Variants in THSD7A observed in about 807,000 individuals in gnomAD.
THSD7A encodes the protein thrombospondin type-1 domain-containing protein 7A.
THSD7A carries 96 observed loss-of-function variants against 231.3 expected under a neutral mutation model. That is an observed-to-expected ratio of 0.41 (90% CI 0.35 to 0.49). The LOEUF (loss-of-function observed/expected upper bound fraction) is 0.49. Among genes scored for constraint, THSD7A ranks in the 20% least tolerant of loss-of-function variants. The probability of loss-of-function intolerance (pLI) is 0.05; values close to 1 mark genes in which losing one functional copy is unlikely to be tolerated. For synonymous variants in THSD7A, 940 were observed against 743.3 expected, an observed-to-expected ratio of 1.26 and a Z score of -4.30; for missense variants, 2,290 against 2,070.2, an observed-to-expected ratio of 1.11 and a Z score of -2.06.
Position 11,637,041 on chromosome 7 carries a change from C to G in THSD7A, c.191-80G>C. ...TACTGCACATTCCAGAAAGACCTTT[C>G]AAGACCTAGTACATTAACTTCCCTG... On this transcript the variant is annotated intron_variant, in intron 1 of 27. Transcript: ENST00000423059. This position sits in a 1 kb window ranked among gnomAD's most constrained non-coding sequence, Gnocchi z 4.2. The G allele has an allele frequency of 7.6e-7, 1 of 1,319,116 alleles. No homozygotes were observed. The allele number at this position is 1,319,116 out of a possible 1,614,324, so 81.7% of individuals were successfully genotyped here.
intron 1 of THSD7A, among the ~76,000 whole-genome samples, chr7:11,706,293 G>A (rs909414716): frequency 6.6e-6 from 1 of 150,770 alleles, no homozygotes; most frequent in Non-Finnish European, 1.5e-5. Context: ...GTCTGTGAGT[G>A]CACACTACAC....
rs149403606 is a variant in THSD7A, at chr7:11,514,854, T to C, written c.1822+26565A>G. On this transcript the variant is annotated intron_variant, in intron 6 of 27. Coordinates refer to ENST00000423059, the MANE Select transcript of THSD7A (RefSeq NM_015204.3). ...GGAAGAACATAGAAACATTTTACTATGACTGCACGAAAGCTCCAAAACTAA... is the reference window on the plus strand; with the variant it reads ...GGAAGAACATAGAAACATTTTACTACGACTGCACGAAAGCTCCAAAACTAA... Among the ~76,000 whole-genome samples the C allele has an allele frequency of 6.1e-3, 923 of 152,298 alleles. 34 individuals carry two copies. The highest frequency in any genetic ancestry group is 0.051 in the Admixed American group (773 of 15,294).
At chr7:11,773,928 T>A (rs1283228373) in intron 1 of THSD7A, among the ~76,000 whole-genome samples, 1 of 152,102 alleles carries the variant, frequency 6.6e-6, no homozygotes, top group Admixed American at 6.6e-5. Flanking sequence ...TTTACAGAAA[T>A]ACACACACAG....
intron 2 of THSD7A, among the ~76,000 whole-genome samples, chr7:11,631,148 A>C (rs1238079720): frequency 6.6e-6 from 1 of 152,184 alleles, no homozygotes; most frequent in African/African-American, 2.4e-5. Context: ...CAATAAGAAG[A>C]GCCTTGGATA....
chr7:11,566,161 C>T (rs1459326861), intron 4 of THSD7A, among the ~76,000 whole-genome samples: 1 of 152,186 alleles, frequency 6.6e-6, no homozygotes, highest in Non-Finnish European at 1.5e-5. Flanking sequence ...AGAAAAATAT[C>T]ATTATGCAGC....
intron 11 of THSD7A, among the ~76,000 whole-genome samples, chr7:11,453,557 A>C (rs1023901122): frequency 3.9e-5 from 6 of 152,000 alleles, no homozygotes; most frequent in Non-Finnish European, 7.4e-5. Flanking sequence ...GTTCCTTGGC[A>C]GGCAAGAAAA....
intron 2 of THSD7A, among the ~76,000 whole-genome samples, chr7:11,600,572 G>A (rs180840121): frequency 1.0e-3 from 153 of 152,238 alleles, no homozygotes; most frequent in Middle Eastern, 6.8e-3. Flanking sequence ...AAGAGTTTTC[G>A]TGAAATTGGA....
At chr7:11,714,266 T>C (rs1584250593) in intron 1 of THSD7A, among the ~76,000 whole-genome samples, 1 of 151,260 alleles carries the variant, frequency 6.6e-6, no homozygotes, top group Admixed American at 6.6e-5. Flanking sequence ...TAGTGAATTA[T>C]ATGTATTTTA....
chr7:11,696,783 G>A (rs1562484026), intron 1 of THSD7A, among the ~76,000 whole-genome samples: 1 of 151,390 alleles, frequency 6.6e-6, no homozygotes, highest in Non-Finnish European at 1.5e-5. Context: ...TTACAGGGCA[G>A]GGTTTTCAAA....
rs1208824549 is a variant in THSD7A, at chr7:11,715,484, TTAGAAA to T, written c.191-78529_191-78524del. Among the ~76,000 whole-genome samples, 11 of 151,652 alleles carry T rather than the reference TTAGAAA, an allele frequency of 7.3e-5. 1 individual carries two copies. Among genetic ancestry groups the T allele is most frequent in the Admixed American group, 5.9e-4 (9 of 15,176 alleles). ...AACTGCTAACAAGTGTTTAAACTAG[TTAGAAA>T]TAGATATATATGAAACATAACTCAT... On this transcript the variant is annotated intron_variant, in intron 1 of 27. Transcript: ENST00000423059.
chr7:11,426,931 G>C (rs1332923271), intron 14 of THSD7A, among the ~76,000 whole-genome samples: 1 of 152,118 alleles, frequency 6.6e-6, no homozygotes, highest in Non-Finnish European at 1.5e-5. Context: ...TGGGCAGGAT[G>C]GAGAAATCTT....
At chr7:11,713,574 C>T (rs1413812234) in intron 1 of THSD7A, among the ~76,000 whole-genome samples, 1 of 151,120 alleles carries the variant, frequency 6.6e-6, no homozygotes, top group African/African-American at 2.4e-5. Flanking sequence ...AAAGTCCGAA[C>T]TTTATTGCGT....
rs767794070 is a variant in THSD7A at position 11,636,320 on chromosome 7, C to T, written c.832G>A (p.Gly278Arg). ...TCCTTTTCCCGTTCTTTATTCTTCC[C>T]GCGTCTCCTTGCTTGTCTTACTTGT... ...SRQVRQARRR[G>R]KNKEREKDRS... Residue 278 changes from glycine to arginine, a missense_variant, in exon 2 of 28, where the codon GGG (glycine) becomes AGG (arginine). By Grantham distance (125) the Gly-to-Arg change is moderately radical. Coordinates refer to ENST00000423059, the MANE Select transcript of THSD7A (RefSeq NM_015204.3). This position sits in a 1 kb window ranked among gnomAD's most constrained non-coding sequence, Gnocchi z 10.0. 4 of 1,613,856 alleles carry T rather than the reference C, an allele frequency of 2.5e-6. No individual in the cohort carries two copies. The highest frequency in any genetic ancestry group is 3.4e-6 in the Non-Finnish European group (4 of 1,179,872).
intron 1 of THSD7A, among the ~76,000 whole-genome samples, chr7:11,756,050 A>C (rs1461959259): frequency 1.3e-5 from 2 of 152,078 alleles, no homozygotes; most frequent in Admixed American, 6.6e-5. Context: ...CTTATCTCAT[A>C]GCAACATTAT....
chr7:11,764,819 A>G (rs1390067181), intron 1 of THSD7A, among the ~76,000 whole-genome samples: 2 of 152,094 alleles, frequency 1.3e-5, no homozygotes, highest in Non-Finnish European at 2.9e-5. Context: ...AGTAATTTGA[A>G]TAAAACAATA....
intron 6 of THSD7A, among the ~76,000 whole-genome samples, chr7:11,538,264 CT>C (rs144939671): frequency 0.03 from 4,596 of 151,990 alleles, 109 homozygotes; most frequent in Non-Finnish European, 0.042. Context: ...ACATAACTGA[CT>C]TTTTTTTCGA....
intron 6 of THSD7A, among the ~76,000 whole-genome samples, chr7:11,539,234 A>G (rs1364811258): frequency 6.6e-6 from 1 of 152,154 alleles, no homozygotes; most frequent in African/African-American, 2.4e-5. Context: ...CTTTCATTCT[A>G]TCAGCCCAAT....
intron 4 of THSD7A, among the ~76,000 whole-genome samples, chr7:11,588,394 CT>C (rs1387150462): frequency 3.9e-5 from 6 of 152,054 alleles, no homozygotes; most frequent in African/African-American, 1.4e-4. Context: ...CGTTAGTATT[CT>C]TGGTATTTGA....
chr7:11,819,980 T>C (rs1784820245), intron 1 of THSD7A, among the ~76,000 whole-genome samples: 1 of 152,206 alleles, frequency 6.6e-6, no homozygotes, highest in African/African-American at 2.4e-5. Context: ...CCAAAAAGTC[T>C]ATTAAAAATA....
Sources: allele counts gnomAD v4.1 joint callset (sites outside exome capture counted in the v4.1 genomes callset), GRCh38; gene constraint gnomAD v4.1.1; non-coding constraint Gnocchi (gnomAD v3.1); transcripts MANE v1.5; gene names NCBI Gene and HGNC (gene_info 2026-07-23, HGNC 2026-07-21).